Variants in RYR1 observed in about 807,000 individuals in gnomAD.
RYR1 encodes the protein ryanodine receptor 1, also known as central core disease of muscle.
RYR1 carries 342 observed loss-of-function variants against 583.5 expected under a neutral mutation model. That is an observed-to-expected ratio of 0.59 (90% CI 0.54 to 0.64). The LOEUF (loss-of-function observed/expected upper bound fraction) is 0.64. Ranked by LOEUF, RYR1 falls within the 30% of genes least tolerant of loss-of-function variation. The pLI is 0.00. For missense variants in RYR1, 6,032 were observed against 6,917.2 expected, an observed-to-expected ratio of 0.87 and a Z score of 4.54; for synonymous variants, 2,791 against 2,822.5, an observed-to-expected ratio of 0.99 and a Z score of 0.35.
At chr19:38,463,394 G>T (rs749514384) in intron 20 of RYR1, 29 bp from the exon 21 acceptor site, 2 of 1,590,668 alleles carry the variant, frequency 1.3e-6, no homozygotes, top group East Asian at 4.5e-5. Context: ...AGGGACCTTG[G>T]GGTCTCAAGA....
At position 38,572,086 on chromosome 19, in the gene RYR1, G is replaced by C. The variant is rs1177853101; in HGVS notation, c.13814G>C (p.Gly4605Ala). ...GSAAGDVSGA[G>A]SGGSSGWGLG... The stretch of plus-strand genomic sequence containing the variant: ...GCTGCTGGGGATGTGTCAGGTGCAG[G>C]CTCTGGTGGCAGCTCTGGCTGGGGC... Residue 4605 changes from glycine to alanine, a missense_variant, in exon 95 of 106, where the codon GGC becomes GCC. Gly to Ala is a moderately conservative substitution (Grantham distance 60). Around this residue, in one of 11 missense-constraint regions of RYR1, gnomAD observed 35 missense variants for 66.0 expected, o/e 0.53. Coordinates refer to ENST00000359596, the MANE Select transcript of RYR1 (RefSeq NM_000540.3). 1.2e-6 allele frequency: 2 copies of C among 1,614,204 alleles called. No homozygotes were observed. Among genetic ancestry groups the C allele is most frequent in the Admixed American group, 1.7e-5 (1 of 60,018 alleles).
At chr19:38,456,341 GCA>G (rs1967390180) in intron 16 of RYR1, among the ~76,000 whole-genome samples, 1 of 147,136 alleles carries the variant, frequency 6.8e-6, no homozygotes, top group Non-Finnish European at 1.5e-5. Flanking sequence ...GAGTGCAGTG[GCA>G]TGATCTCAGC....
At chr19:38,435,297 A>G (rs1972377761) in intron 1 of RYR1, among the ~76,000 whole-genome samples, 1 of 152,188 alleles carries the variant, frequency 6.6e-6, no homozygotes, top group Admixed American at 6.5e-5. Context: ...GCCCAGCCCC[A>G]TTGCCTTCAC....
chr19:38,525,972 TGAGCCC>T (rs1453933787), intron 71 of RYR1, among the ~76,000 whole-genome samples: 43 of 151,996 alleles, frequency 2.8e-4, no homozygotes, highest in Non-Finnish European at 5.9e-4. Context: ...GGGTTCCTGC[TGAGCCC>T]TTGGCTCACC....
At chr19:38,477,969 T>A in intron 30 of RYR1, 99 bp downstream of exon 30, 1 of 1,266,052 alleles carries the variant, frequency 7.9e-7, no homozygotes, top group Non-Finnish European at 1.1e-6. Flanking sequence ...TTGTGGGACC[T>A]AGGAACTTTC....
intron 50 of RYR1, among the ~76,000 whole-genome samples, 154 bp downstream of exon 50, chr19:38,504,514 T>TGGG (rs1970350531): frequency 6.6e-6 from 1 of 151,922 alleles, no homozygotes. Context: ...GAGGCTTCGA[T>TGGG]TTGGAGGTTA....
Position 38,528,294 on chromosome 19 carries a change from T to A in RYR1, c.10825-12T>A. 2 of 1,612,148 alleles carry A rather than the reference T, an allele frequency of 1.2e-6. No individual in the cohort carries two copies. The highest frequency in any genetic ancestry group is 1.7e-6 in the Non-Finnish European group (2 of 1,178,394). ...GTCTGGGGATGTGACTGTCCTGCTA[T>A]CCCCTCCCCAGACCGAGCACCCTTA... On this transcript the variant is annotated splice_polypyrimidine_tract_variant and intron_variant, in intron 73 of 105. Transcript: ENST00000359596.
At position 38,517,463 on chromosome 19, in the gene RYR1, A is replaced by G. The variant is rs1348692790; in HGVS notation, c.9790A>G (p.Thr3264Ala). ...GCTGGCCGAGTCAGGTGCCCGCTAC[A>G]CAGAGATGCCGCATGTCATCGAGAT... Reference protein sequence around the residue: ...GGLAESGARYTEMPHVIEITL... With the variant: ...GGLAESGARYAEMPHVIEITL... The change falls in exon 66 of 106, where the codon ACA (threonine) becomes GCA (alanine). Residue 3264 changes from threonine (T) to alanine (A), a missense_variant. By Grantham distance (58) the Thr-to-Ala change is moderately conservative. Around this residue, in one of 11 missense-constraint regions of RYR1, gnomAD observed 1,493 missense variants for 1,715.5 expected, o/e 0.87. Transcript: ENST00000359596. 1 of 1,614,056 alleles carries G rather than the reference A, an allele frequency of 6.2e-7. No homozygotes were observed.
intron 31 of RYR1, among the ~76,000 whole-genome samples, chr19:38,480,814 G>T (rs1176004897): frequency 6.6e-6 from 1 of 151,088 alleles, no homozygotes; most frequent in Non-Finnish European, 1.5e-5. Context: ...GCATGGTCTT[G>T]GCTCACTGCA....
chr19:38,463,794 C>T lies in RYR1; in HGVS notation c.2730C>T (p.His910=), dbSNP rs759968704. The T allele has an allele frequency of 1.9e-6, 3 of 1,613,996 alleles. No homozygotes were observed. Among genetic ancestry groups the T allele is most frequent in the East Asian group, 4.5e-5 (2 of 44,866 alleles). The change falls in exon 22 of 106, where the codon CAC becomes CAT. Residue 910 remains histidine, a synonymous_variant. Transcript: ENST00000359596. ...TGCACCCGTGTCTTGTGGACTTCCA[C>T]AGCCTTCCAGAGCCTGAGAGGAACT... ...KRLHPCLVDF[H]SLPEPERNYN...
At chr19:38,535,551 T>C in intron 81 of RYR1, 159 bp downstream of exon 81, 1 of 707,868 alleles carries the variant, frequency 1.4e-6, no homozygotes, top group Admixed American at 2.0e-5. Context: ...AGAATTAATG[T>C]AGAACAATAA....
At chr19:38,548,522 G>T in intron 89 of RYR1, 102 bp downstream of exon 89, 1 of 1,049,794 alleles carries the variant, frequency 9.5e-7, no homozygotes, top group Non-Finnish European at 1.5e-6. Context: ...ATCTCTGCAA[G>T]CCTCACTTTC....
At chr19:38,540,884 A>G (rs1972160831) in intron 84 of RYR1, among the ~76,000 whole-genome samples, 2 of 134,916 alleles carry the variant, frequency 1.5e-5, no homozygotes, top group Admixed American at 7.9e-5. Flanking sequence ...CCAATCATAT[A>G]CTACAGTGTA....
Position 38,577,926 on chromosome 19 carries a change from C to T in RYR1, c.14181C>T (p.Asp4727=). 6.2e-7 allele frequency: 1 copy of T among 1,614,136 alleles called. No homozygotes were observed. The highest frequency in any genetic ancestry group is 1.3e-5 in the African/African-American group (1 of 75,036). ...GATGCTCTCTTGTGCAGGTCCTGGA[C>T]AAACATGGGGACATCTACGGGCGGG... ...WDKFVKRKVL[D]KHGDIYGRER... is the part of the protein sequence containing the mutation. The change falls in exon 98 of 106, where the codon GAC becomes GAT. Residue 4727 remains aspartate, a synonymous_variant. Transcript: ENST00000359596.
chr19:38,499,237 G>T lies in RYR1; in HGVS notation c.7021G>T (p.Val2341Phe). Residue 2341 changes from valine (V) to phenylalanine (F), a missense_variant, in exon 43 of 106, where the codon GTC becomes TTC. By Grantham distance (50) the Val-to-Phe change is conservative. Coordinates refer to ENST00000359596, the MANE Select transcript of RYR1 (RefSeq NM_000540.3). The surrounding 1 kb of genome is among the most constrained non-coding windows in gnomAD (Gnocchi z 7.3). ...YLDFLRFAVFVNGESVEENAN... is the reference protein window; with the variant it reads ...YLDFLRFAVFFNGESVEENAN... ...GGACTTCCTGCGCTTTGCTGTCTTC[G>T]TCAACGGTGAGGAGGGGGTGGCAGT... is the stretch of plus-strand genomic sequence containing the variant. 2 of 1,614,180 alleles carry T rather than the reference G, an allele frequency of 1.2e-6. No homozygotes were observed. The highest frequency in any genetic ancestry group is 1.1e-5 in the South Asian group (1 of 91,090).
At position 38,455,000 on chromosome 19, in the gene RYR1, A is replaced by G. The variant is rs7250476; in HGVS notation, c.1441-235A>G. ...GTGTTAATAAGGACTGAATTATCAT[A>G]GACTGAATCTCATATTGGGGATAGA... is the stretch of plus-strand genomic sequence containing the variant. On this transcript the variant is annotated intron_variant, in intron 13 of 105. Transcript: ENST00000359596. Among the ~76,000 whole-genome samples the G allele has an allele frequency of 0.9, 136,675 of 151,942 alleles. 61,610 individuals carry two copies. The highest frequency in any genetic ancestry group is 0.99 in the East Asian group (5,114 of 5,164).
chr19:38,473,727 G>A lies in RYR1; in HGVS notation c.4116G>A (p.Ala1372=), dbSNP rs1314617175. Residue 1372 remains alanine (A), a synonymous_variant, in exon 28 of 106, where the codon GCG becomes GCA. Transcript: ENST00000359596. ...QAGGEAQPAR[A]ENEKDATTEK... is the part of the protein sequence containing the mutation. ...GGGGAGAGGCGCAGCCCGCCAGGGCGGAGAATGAGAAGGATGCCACCACCG... is the reference window on the plus strand; with the variant it reads ...GGGGAGAGGCGCAGCCCGCCAGGGCAGAGAATGAGAAGGATGCCACCACCG... 9 of 1,534,474 alleles carry A rather than the reference G, an allele frequency of 5.9e-6. No homozygotes were observed. The highest frequency in any genetic ancestry group is 4.2e-5 in the African/African-American group (3 of 72,242).
At position 38,496,888 on chromosome 19, in the gene RYR1, G is replaced by C; in HGVS notation, c.6825G>C (p.Val2275=). The C allele has an allele frequency of 6.2e-7, 1 of 1,613,444 alleles. No homozygotes were observed. Among genetic ancestry groups the C allele is most frequent in the South Asian group, 1.1e-5 (1 of 91,074 alleles). ...TGCAGGGCTCCACGCCCCTGGACGT[G>C]GCTGCTGCCTCCGTCATTGACAACA... is the stretch of plus-strand genomic sequence containing the variant. ...LGMQGSTPLD[V]AAASVIDNNE... The change falls in exon 42 of 106, where the codon GTG becomes GTC. Residue 2275 remains valine (V), a synonymous_variant. Coordinates refer to ENST00000359596, the MANE Select transcript of RYR1 (RefSeq NM_000540.3). The surrounding 1 kb of genome is among the most constrained non-coding windows in gnomAD (Gnocchi z 4.8).
intron 89 of RYR1, among the ~76,000 whole-genome samples, chr19:38,552,868 A>G (rs1972724296): frequency 6.6e-6 from 1 of 152,152 alleles, no homozygotes; most frequent in East Asian, 1.9e-4. Flanking sequence ...CATGATTCAC[A>G]ATTGAAAATG....
Sources: gnomAD v4.1 joint callset for allele counts (sites outside exome capture counted in the v4.1 genomes callset) on GRCh38, gnomAD v4.1.1 for gene constraint, gnomAD v4.1.1 regional missense constraint, Gnocchi (gnomAD v3.1) non-coding constraint, MANE v1.5 for transcripts, NCBI Gene and HGNC (gene_info 2026-07-23, HGNC 2026-07-21) for gene names.